NLGN1: variants seen among roughly 807,000 people sequenced by gnomAD.
NLGN1 encodes neuroligin 1.
In NLGN1, 12 loss-of-function variants were observed where a neutral mutation model predicts 65.5. The observed-to-expected ratio is 0.18, with a 90% confidence interval of 0.12 to 0.30. The LOEUF (loss-of-function observed/expected upper bound fraction) is 0.30, where lower values mean the gene tolerates loss of function less well. Ranked by LOEUF, NLGN1 falls within the 10% of genes least tolerant of loss-of-function variation. The pLI, the probability that NLGN1 is intolerant of heterozygous loss-of-function variation, is 1.00. For missense variants in NLGN1, 750 were observed against 1,007.1 expected (o/e 0.74, Z 3.46); for synonymous variants, 350 against 359.5 (o/e 0.97, Z 0.30).
chr3:173,471,496 C>A (rs1056844956), intron 2 of NLGN1, among the ~76,000 whole-genome samples: 2 of 152,068 alleles, frequency 1.3e-5, no homozygotes, highest in African/African-American at 4.8e-5. Flanking sequence ...GTCAAAATTT[C>A]CTGTTTATAA....
intron 3 of NLGN1, among the ~76,000 whole-genome samples, chr3:173,639,868 T>C (rs919440261): frequency 2.0e-5 from 3 of 152,134 alleles, no homozygotes; most frequent in African/African-American, 7.2e-5. Flanking sequence ...TTCCTTCCTT[T>C]CTTTCTTCTC....
chr3:173,450,363 T>G (rs1183372036), intron 2 of NLGN1, among the ~76,000 whole-genome samples: 2 of 152,220 alleles, frequency 1.3e-5, no homozygotes, highest in Non-Finnish European at 2.9e-5. Flanking sequence ...TTGAAAATTC[T>G]TTTCTTTAAG....
At chr3:173,860,217 C>G (rs1728793518) in intron 4 of NLGN1, among the ~76,000 whole-genome samples, 1 of 151,810 alleles carries the variant, frequency 6.6e-6, no homozygotes, top group Non-Finnish European at 1.5e-5. Flanking sequence ...TCCAAAAATA[C>G]TGTTTTACAT....
chr3:173,674,327 G>A (rs1762838845), intron 3 of NLGN1, among the ~76,000 whole-genome samples: 1 of 152,054 alleles, frequency 6.6e-6, no homozygotes, highest in Non-Finnish European at 1.5e-5. Flanking sequence ...TTGTACCAAG[G>A]ATATTTATTG....
chr3:173,845,650 A>AG (rs1348924972), intron 4 of NLGN1, among the ~76,000 whole-genome samples: 16 of 151,694 alleles, frequency 1.1e-4, no homozygotes, highest in East Asian at 3.9e-4. Context: ...ATAGATAGAT[A>AG]AATAGACGAA....
At chr3:173,438,572 A>G (rs1230133586) in intron 2 of NLGN1, among the ~76,000 whole-genome samples, 1 of 152,174 alleles carries the variant, frequency 6.6e-6, no homozygotes, top group Non-Finnish European at 1.5e-5. Flanking sequence ...GATACCTGTT[A>G]TAATTATGAA....
intron 4 of NLGN1, among the ~76,000 whole-genome samples, chr3:173,913,363 T>G (rs1459110721): frequency 2.6e-5 from 4 of 152,170 alleles, no homozygotes; most frequent in Non-Finnish European, 1.5e-5. Context: ...CATGTGGGAA[T>G]AGCAGCTATA....
intron 4 of NLGN1, among the ~76,000 whole-genome samples, chr3:174,209,356 C>G (rs951672364): frequency 1.2e-4 from 19 of 152,136 alleles, no homozygotes; most frequent in Admixed American, 1.2e-3. Flanking sequence ...ATTATATACA[C>G]TTTAGATCAG....
intron 4 of NLGN1, among the ~76,000 whole-genome samples, chr3:173,912,819 A>G (rs1237030369): frequency 6.6e-6 from 1 of 151,848 alleles, no homozygotes; most frequent in Non-Finnish European, 1.5e-5. Context: ...TAAAATACAC[A>G]TGTCTGAAGA....
Position 174,280,342 on chromosome 3 carries a change from T to C in NLGN1, c.1650-139T>C. On this transcript the variant is annotated intron_variant, in intron 6 of 6. Coordinates refer to ENST00000457714, the Ensembl canonical transcript of NLGN1. This position sits in a 1 kb window ranked among gnomAD's most constrained non-coding sequence, Gnocchi z 4.9. ...ATGCCTGCTAGGAGATTTATATTTC[T>C]AAATTGACCCAAATTAATGTTAAAA... 1 of 649,166 alleles carries C rather than the reference T, an allele frequency of 1.5e-6. No individual in the cohort carries two copies. The highest frequency in any genetic ancestry group is 2.6e-6 in the Non-Finnish European group (1 of 387,744). 40.2% of individuals were successfully genotyped at this position (649,166 alleles called of 1,614,324 possible). A position where few individuals can be genotyped will look rare whatever the true frequency, so the allele number is the denominator to read the frequency against.
chr3:173,831,426 A>G (rs2150596511), intron 4 of NLGN1, among the ~76,000 whole-genome samples: 1 of 152,338 alleles, frequency 6.6e-6, no homozygotes, highest in African/African-American at 2.4e-5. Flanking sequence ...TAAAGTAGAC[A>G]AATGCCTGCC....
intron 2 of NLGN1, among the ~76,000 whole-genome samples, chr3:173,530,686 GTTCT>G (rs1037030412): frequency 1.3e-5 from 2 of 152,070 alleles, no homozygotes; most frequent in Non-Finnish European, 2.9e-5. Context: ...TAATCTGATG[GTTCT>G]TTAATTTTTC....
At chr3:173,766,918 T>G (rs1034681358) in intron 3 of NLGN1, among the ~76,000 whole-genome samples, 4 of 152,210 alleles carry the variant, frequency 2.6e-5, no homozygotes, top group Non-Finnish European at 4.4e-5. Context: ...TACAAAATTT[T>G]TATCTAGATA....
chr3:174,289,996 CT>C (rs1460878668), downstream of NLGN1, among the ~76,000 whole-genome samples: 2 of 121,768 alleles, frequency 1.6e-5, no homozygotes, highest in African/African-American at 2.8e-5. Context: ...CATATATATT[CT>C]TTTTTTAAAT....
At chr3:173,852,575 T>C (rs571294183) in intron 4 of NLGN1, among the ~76,000 whole-genome samples, 2 of 152,198 alleles carry the variant, frequency 1.3e-5, no homozygotes, top group South Asian at 4.1e-4. Flanking sequence ...TGGCATACTA[T>C]TCATTAAATA....
chr3:173,955,642 G>A (rs1711821848), intron 4 of NLGN1, among the ~76,000 whole-genome samples: 1 of 152,054 alleles, frequency 6.6e-6, no homozygotes, highest in Non-Finnish European at 1.5e-5. Flanking sequence ...TGATAGGTTG[G>A]AATCTAAACA....
intron 3 of NLGN1, among the ~76,000 whole-genome samples, chr3:173,613,088 A>G (rs1378377845): frequency 1.5e-4 from 23 of 152,142 alleles, no homozygotes; most frequent in Admixed American, 1.5e-3. Flanking sequence ...ACTTTAACAT[A>G]TAGAATTTTG....
intron 4 of NLGN1, among the ~76,000 whole-genome samples, chr3:174,224,568 A>G (rs984244222): frequency 1.3e-5 from 2 of 152,134 alleles, no homozygotes; most frequent in Admixed American, 1.3e-4. Flanking sequence ...GCATAGTGTC[A>G]GGCACCTGTA....
At chr3:173,928,048 G>C (rs556240377) in intron 4 of NLGN1, among the ~76,000 whole-genome samples, 2 of 152,278 alleles carry the variant, frequency 1.3e-5, no homozygotes, top group East Asian at 1.9e-4. Flanking sequence ...AGTGTAGCTA[G>C]ATCTCCATTA....
Sources: gnomAD v4.1 joint callset for allele counts (sites outside exome capture counted in the v4.1 genomes callset) on GRCh38, gnomAD v4.1.1 for gene constraint, Gnocchi (gnomAD v3.1) non-coding constraint, MANE v1.5 for transcripts, NCBI Gene and HGNC (gene_info 2026-07-23, HGNC 2026-07-21) for gene names.